BDP1: variants seen among roughly 807,000 people sequenced by gnomAD.
The protein encoded by BDP1 is BDP1 general transcription factor IIIB subunit.
A neutral mutation model predicts 266.6 loss-of-function variants in BDP1; 169 were observed. The observed-to-expected ratio is 0.63, with a 90% CI of 0.56 to 0.72. The LOEUF is 0.72. Among genes scored for constraint, BDP1 ranks in the 30% least tolerant of loss-of-function variants. The probability of loss-of-function intolerance (pLI) is 0.00; values close to 1 mark genes in which losing one functional copy is unlikely to be tolerated. For missense variants in BDP1, 3,015 were observed against 3,053.8 expected (o/e 0.99, Z 0.30); for synonymous variants, 1,090 against 1,022.4 (o/e 1.07, Z -1.26).
intron 5 of BDP1, among the ~76,000 whole-genome samples, chr5:71,466,618 C>T (rs1761922847): frequency 6.6e-6 from 1 of 152,034 alleles, no homozygotes; most frequent in Non-Finnish European, 1.5e-5. Context: ...AATGGATATA[C>T]AATGAAATGT....
intron 26 of BDP1, among the ~76,000 whole-genome samples, chr5:71,534,151 C>A (rs1404176283): frequency 6.6e-6 from 1 of 152,174 alleles, no homozygotes; most frequent in Non-Finnish European, 1.5e-5. Flanking sequence ...GTTGTCAGAT[C>A]TGAGTCCTTT....
intron 25 of BDP1, among the ~76,000 whole-genome samples, chr5:71,530,876 G>A (rs772472232): frequency 1.1e-4 from 16 of 152,054 alleles, no homozygotes; most frequent in African/African-American, 3.9e-4. Context: ...GCAGGAGTTC[G>A]AGACCAGACT....
intron 12 of BDP1, 107 bp downstream of exon 12, chr5:71,495,515 T>G: frequency 1.6e-5 from 10 of 614,274 alleles, no homozygotes; most frequent in South Asian, 3.4e-5. Flanking sequence ...AATACATACT[T>G]TATTAATAGT....
chr5:71,524,407 C>T (rs1580139542), intron 25 of BDP1, 84 bp downstream of exon 25: 6 of 1,331,986 alleles, frequency 4.5e-6, no homozygotes, highest in South Asian at 3.0e-5. Context: ...TATTTCTTCT[C>T]GTAGTGATTA....
rs749875395 is a variant in BDP1, at chr5:71,524,102, G to A, written c.5551G>A (p.Gly1851Ser). The change falls in exon 25 of 39, where the codon GGT (glycine) becomes AGT (serine). Residue 1851 changes from glycine (G) to serine (S), a missense_variant. Physicochemically the swap from Gly to Ser is moderately conservative, Grantham distance 56. This residue lies in a region of BDP1 where 2,383 missense variants were observed against 2,404.9 expected (regional missense o/e 0.99). Transcript: ENST00000358731. ...TRGRGSKRVR[G>S]KTSKKEPRAS... Reference sequence around the variant, plus strand: ...AGGTCGTGGATCAAAACGAGTTCGGGGTAAGACCTCTAAGAAGGAACCTAG... The same window carrying A: ...AGGTCGTGGATCAAAACGAGTTCGGAGTAAGACCTCTAAGAAGGAACCTAG... The A allele has an allele frequency of 5.0e-6, 8 of 1,614,028 alleles. No individual in the cohort carries two copies. Among genetic ancestry groups the A allele is most frequent in the Non-Finnish European group, 5.9e-6 (7 of 1,180,052 alleles).
At chr5:71,478,300 A>G (rs193058430) in intron 7 of BDP1, among the ~76,000 whole-genome samples, 1 of 150,660 alleles carries the variant, frequency 6.6e-6, no homozygotes, top group Non-Finnish European at 1.5e-5. Context: ...CTCTCTCTAC[A>G]TATAGATATA....
In BDP1 at chr5:71,516,206, G is replaced by C. The variant is rs551507153; in HGVS notation, c.4795G>C (p.Gly1599Arg). ...RQIVDKGEAK[G>R]IIKEGRTILP... ...AATAGTAGACAAAGGTGAAGCCAAA[G>C]GCATAATTAAGGAAGGAAGAACGAT... Residue 1599 changes from glycine to arginine, a missense_variant, in exon 21 of 39, where the codon GGC (glycine) becomes CGC (arginine). Gly to Arg is a moderately radical substitution (Grantham distance 125). Transcript: ENST00000358731. 6.2e-7 allele frequency: 1 copy of C among 1,613,358 alleles called. No homozygotes were observed. The highest frequency in any genetic ancestry group is 8.5e-7 in the Non-Finnish European group (1 of 1,179,624).
chr5:71,559,586 GTC>G (rs1378211142), intron 36 of BDP1, among the ~76,000 whole-genome samples: 1 of 152,132 alleles, frequency 6.6e-6, no homozygotes, highest in African/African-American at 2.4e-5. Context: ...GTATTTGAGA[GTC>G]TGTAGGTTTT....
chr5:71,525,791 T>A lies in BDP1; in HGVS notation c.5772+1468T>A, dbSNP rs190488347. 9.9e-3 allele frequency among the ~76,000 whole-genome samples: 1,504 copies of A among 151,836 alleles called. 29 individuals carry two copies. The highest frequency in any genetic ancestry group is 0.034 in the African/African-American group (1,416 of 41,378). On this transcript the variant is annotated intron_variant, in intron 25 of 38. Transcript: ENST00000358731. ...CTGTTGGGCAGAGACGCTCCTCACT[T>A]CCCAGACGGGGTGGCTGCTGGGCGG...
chr5:71,517,975 A>G (rs971630925), intron 22 of BDP1, among the ~76,000 whole-genome samples: 2 of 152,218 alleles, frequency 1.3e-5, no homozygotes, highest in Non-Finnish European at 2.9e-5. Flanking sequence ...GTAGTGCTAT[A>G]AAGTATACTT....
intron 38 of BDP1, among the ~76,000 whole-genome samples, chr5:71,563,864 A>T (rs1157544746): frequency 6.6e-6 from 1 of 152,204 alleles, no homozygotes; most frequent in Non-Finnish European, 1.5e-5. Flanking sequence ...GTGGGCTGAG[A>T]TCATGCCATT....
At chr5:71,477,651 C>T (rs1347975649) in intron 7 of BDP1, among the ~76,000 whole-genome samples, 2 of 122,500 alleles carry the variant, frequency 1.6e-5, no homozygotes, top group African/African-American at 3.0e-5. Flanking sequence ...TAGGGTCTCA[C>T]TCTCTGTTGC....
At chr5:71,498,103 A>C (rs1351319698) in intron 13 of BDP1, among the ~76,000 whole-genome samples, 2 of 152,100 alleles carry the variant, frequency 1.3e-5, no homozygotes, top group Admixed American at 1.3e-4. Context: ...GGTGCCCACC[A>C]CCATGCCCGG....
intron 3 of BDP1, 78 bp downstream of exon 3, chr5:71,462,004 C>T: frequency 3.6e-6 from 3 of 832,894 alleles, no homozygotes; most frequent in Non-Finnish European, 3.9e-6. Flanking sequence ...GCTCTGTCAC[C>T]CGGGCTGGAG....
rs200444472 is a variant in BDP1 at position 71,502,682 on chromosome 5, C to G, written c.2132C>G (p.Pro711Arg). 165 of 1,613,826 alleles carry G rather than the reference C, an allele frequency of 1.0e-4. 1 individual carries two copies. The Middle Eastern group carries it at 4.9e-3, about 48-fold the overall frequency. The change falls in exon 15 of 39, where the codon CCA becomes CGA. Residue 711 changes from proline (P) to arginine (R), a missense_variant. Pro to Arg is a moderately radical substitution (Grantham distance 103). This residue lies in a region of BDP1 where 2,383 missense variants were observed against 2,404.9 expected (regional missense o/e 0.99). Transcript: ENST00000358731. ...CAAGTGAGGGGCCGATTGCAAAAGCCAAAGCCAAATGCAGGTAAAGCTGCT... is the reference window on the plus strand; with the variant it reads ...CAAGTGAGGGGCCGATTGCAAAAGCGAAAGCCAAATGCAGGTAAAGCTGCT... ...PVQVRGRLQKPKPNAGKAAER... is the reference protein window; with the variant it reads ...PVQVRGRLQKRKPNAGKAAER...
chr5:71,504,476 GA>G, intron 15 of BDP1, 144 bp from the exon 16 acceptor site: 1 of 716,466 alleles, frequency 1.4e-6, no homozygotes, highest in Non-Finnish European at 2.2e-6. Context: ...GATAGCTAAA[GA>G]AAAAACATTA....
At chr5:71,488,790 C>T (rs1235811338) in intron 9 of BDP1, among the ~76,000 whole-genome samples, 1 of 151,406 alleles carries the variant, frequency 6.6e-6, no homozygotes, top group Non-Finnish European at 1.5e-5. Flanking sequence ...TCACTGCAAC[C>T]TCCGCCTCCC....
chr5:71,485,594 C>T (rs1239020785), intron 8 of BDP1, among the ~76,000 whole-genome samples: 1 of 152,100 alleles, frequency 6.6e-6, no homozygotes, highest in African/African-American at 2.4e-5. Flanking sequence ...CAGTCTTTGG[C>T]TTATGTGCAT....
chr5:71,546,617 C>CA lies in BDP1; in HGVS notation c.6744+1426dup, dbSNP rs70992980. 5.9e-3 allele frequency among the ~76,000 whole-genome samples: 338 copies of CA among 57,756 alleles called. 14 individuals carry two copies. Among genetic ancestry groups the CA allele is most frequent in the African/African-American group, 0.017 (220 of 13,172 alleles). The allele number at this position is 57,756 out of a possible 152,430, so 37.9% of individuals were successfully genotyped here. ...TGGGCGACAGAACAAGACTCTGTCT[C>CA]AAAAAAAAAAAAAAAAAAAAAAAAA... On this transcript the variant is annotated intron_variant, in intron 32 of 38. Transcript: ENST00000358731.
Sources: allele counts gnomAD v4.1 joint callset (sites outside exome capture counted in the v4.1 genomes callset), GRCh38; gene constraint gnomAD v4.1.1; regional missense constraint gnomAD v4.1.1; transcripts MANE v1.5; gene names NCBI Gene and HGNC (gene_info 2026-07-23, HGNC 2026-07-21).